IQGAP2: variants seen among roughly 807,000 people sequenced by gnomAD.
The protein encoded by IQGAP2 is IQ motif containing GTPase activating protein 2, also known as ras GTPase-activating-like protein IQGAP2.
In IQGAP2, 173 loss-of-function variants were observed where a neutral mutation model predicts 201.3. The observed-to-expected ratio is 0.86, with a 90% CI of 0.76 to 0.98. The LOEUF (loss-of-function observed/expected upper bound fraction) is 0.98, where lower values mean the gene tolerates loss of function less well. Among genes scored for constraint, IQGAP2 ranks in the 50% least tolerant of loss-of-function variants. The probability of loss-of-function intolerance (pLI) is 0.00; values close to 1 mark genes in which losing one functional copy is unlikely to be tolerated. For synonymous variants in IQGAP2, 675 were observed against 673.9 expected (o/e 1.00, Z -0.03); for missense variants, 1,687 against 1,864.8 (o/e 0.90, Z 1.76).
chr5:76,512,355 T>A (rs1027458013), intron 2 of IQGAP2, among the ~76,000 whole-genome samples: 15 of 152,144 alleles, frequency 9.9e-5, no homozygotes, highest in Non-Finnish European at 2.1e-4. Context: ...TTTAAAACCT[T>A]AGGAGGATTG....
chr5:76,623,212 C>T (rs778389017), intron 13 of IQGAP2: 25 of 1,614,184 alleles, frequency 1.5e-5, no homozygotes, highest in Non-Finnish European at 2.1e-5. Context: ...CCAGCAGCTG[C>T]AAAGATGAGG....
At chr5:76,424,074 T>C (rs1018181159) in intron 1 of IQGAP2, among the ~76,000 whole-genome samples, 5 of 152,190 alleles carry the variant, frequency 3.3e-5, no homozygotes, top group Non-Finnish European at 7.3e-5. Flanking sequence ...TTCTGAAATA[T>C]ATCCATAACT....
intron 17 of IQGAP2, 107 bp downstream of exon 17, chr5:76,641,210 A>T: frequency 1.2e-6 from 1 of 847,450 alleles, no homozygotes; most frequent in Non-Finnish European, 1.8e-6. Flanking sequence ...AACAAATCTG[A>T]CTGCATATTT....
chr5:76,623,400 A>T, intron 13 of IQGAP2: 1 of 669,672 alleles, frequency 1.5e-6, no homozygotes, highest in Non-Finnish European at 2.5e-6. Flanking sequence ...CTCCGCAGGG[A>T]AAGGATGTAA....
chr5:76,415,091 T>C (rs1751339276), intron 1 of IQGAP2, among the ~76,000 whole-genome samples: 1 of 152,242 alleles, frequency 6.6e-6, no homozygotes, highest in African/African-American at 2.4e-5. Flanking sequence ...TTTTTAGAAG[T>C]TGCCTTTGGG....
intron 2 of IQGAP2, among the ~76,000 whole-genome samples, chr5:76,475,792 T>C (rs909709670): frequency 2.6e-5 from 4 of 152,182 alleles, no homozygotes; most frequent in African/African-American, 4.8e-5. Flanking sequence ...ATAAAACTTA[T>C]ATGCCTTTTC....
At chr5:76,554,847 C>T (rs1743827261) in intron 2 of IQGAP2, among the ~76,000 whole-genome samples, 1 of 152,102 alleles carries the variant, frequency 6.6e-6, no homozygotes, top group Admixed American at 6.5e-5. Flanking sequence ...AGTGCAAAAA[C>T]TAGTTCACAA....
chr5:76,626,236 G>A (rs1345965775), intron 13 of IQGAP2, among the ~76,000 whole-genome samples: 1 of 120,972 alleles, frequency 8.3e-6, no homozygotes, highest in African/African-American at 3.1e-5. Context: ...TGATCACATT[G>A]TATTATAATT....
intron 2 of IQGAP2, among the ~76,000 whole-genome samples, chr5:76,462,161 A>G (rs146833718): frequency 2.0e-5 from 3 of 152,326 alleles, no homozygotes; most frequent in Admixed American, 6.5e-5. Context: ...CAAATTCTTC[A>G]TCTCACTGGC....
chr5:76,440,450 A>C (rs1341755008), intron 1 of IQGAP2, among the ~76,000 whole-genome samples: 3 of 152,240 alleles, frequency 2.0e-5, no homozygotes, highest in African/African-American at 7.2e-5. Flanking sequence ...ATTCCAAAAG[A>C]GGCACCTAAA....
intron 2 of IQGAP2, among the ~76,000 whole-genome samples, chr5:76,551,487 G>T (rs1475329969): frequency 1.3e-5 from 2 of 151,768 alleles, no homozygotes; most frequent in African/African-American, 2.4e-5. Flanking sequence ...TCGGCACTTT[G>T]GGAGGCCAAG....
chr5:76,609,936 T>A (rs1456041401), intron 12 of IQGAP2, among the ~76,000 whole-genome samples: 2 of 149,702 alleles, frequency 1.3e-5, no homozygotes, highest in Admixed American at 1.3e-4. Flanking sequence ...AATAATAAGG[T>A]ATTGAGAAGT....
rs753840182 is a variant in IQGAP2 at position 76,589,695 on chromosome 5, C to T, written c.607C>T (p.Leu203=). 4 of 1,607,458 alleles carry T rather than the reference C, an allele frequency of 2.5e-6. No homozygotes were observed. The highest frequency in any genetic ancestry group is 3.4e-6 in the Non-Finnish European group (4 of 1,176,806). ...MPSFSKIGGI[L]ANELSVDEAA... is the part of the protein sequence containing the mutation. ...ATCTTTCAGCAAAATAGGTGGTATT[C>T]TGGCCAATGAACTGTCCGTGGATGA... The change falls in exon 7 of 36, where the codon CTG becomes TTG. Residue 203 remains leucine, a synonymous_variant. Transcript: ENST00000274364.
At chr5:76,444,949 A>G (rs190806194) in intron 1 of IQGAP2, among the ~76,000 whole-genome samples, 1 of 152,322 alleles carries the variant, frequency 6.6e-6, no homozygotes, top group East Asian at 1.9e-4. Context: ...TTCTGTCTTA[A>G]AGAGAATTAG....
chr5:76,677,022 G>T, intron 27 of IQGAP2, 196 bp from the exon 28 acceptor site: 1 of 534,056 alleles, frequency 1.9e-6, no homozygotes, highest in Non-Finnish European at 3.3e-6. Context: ...TGTTTGAGGA[G>T]CTGGGTCCAA....
chr5:76,636,479 G>A lies in IQGAP2; in HGVS notation c.1781-555G>A, dbSNP rs915573504. ...AGCACAAAATGAGTCAGAGGAACCAGGAATTTTCTTTTTCCCCACTTTAGT... is the reference window on the plus strand; with the variant it reads ...AGCACAAAATGAGTCAGAGGAACCAAGAATTTTCTTTTTCCCCACTTTAGT... On this transcript the variant is annotated intron_variant, in intron 15 of 35. Transcript: ENST00000274364. Among the ~76,000 whole-genome samples the A allele has an allele frequency of 8.5e-5, 13 of 152,262 alleles. No individual in the cohort carries two copies. The South Asian group carries it at 2.5e-3, about 29-fold the overall frequency.
intron 13 of IQGAP2, among the ~76,000 whole-genome samples, chr5:76,612,428 G>A (rs1048266788): frequency 1.3e-5 from 2 of 151,870 alleles, no homozygotes; most frequent in Non-Finnish European, 2.9e-5. Flanking sequence ...CCGAGAGGTA[G>A]AGGTTGCAGC....
chr5:76,674,231 T>G (rs1744606303), intron 26 of IQGAP2, among the ~76,000 whole-genome samples, 195 bp downstream of exon 26: 1 of 152,230 alleles, frequency 6.6e-6, no homozygotes, highest in Non-Finnish European at 1.5e-5. Context: ...TTGAAATTCT[T>G]TGCATTAGAG....
intron 9 of IQGAP2, among the ~76,000 whole-genome samples, chr5:76,593,265 A>T (rs1009926294): frequency 6.6e-6 from 1 of 152,220 alleles, no homozygotes; most frequent in African/African-American, 2.4e-5. Flanking sequence ...TTGCTTGCCC[A>T]TGATTATGCG....
Sources: gnomAD v4.1 joint callset for allele counts (sites outside exome capture counted in the v4.1 genomes callset) on GRCh38, gnomAD v4.1.1 for gene constraint, MANE v1.5 for transcripts, NCBI Gene and HGNC (gene_info 2026-07-23, HGNC 2026-07-21) for gene names.